Variants in KIAA1958 observed in about 807,000 individuals in gnomAD.
The protein encoded by KIAA1958 is uncharacterized protein KIAA1958.
In KIAA1958, 14 loss-of-function variants were observed where a neutral mutation model predicts 47.2. That is an observed-to-expected ratio of 0.30 (90% CI 0.20 to 0.46). KIAA1958 has a LOEUF of 0.46. KIAA1958 is among the 20% of genes least tolerant of loss of function. KIAA1958 has a pLI of 1.00. For synonymous variants in KIAA1958, 354 were observed against 353.3 expected, an observed-to-expected ratio of 1.00 and a Z score of -0.02; for missense variants, 803 against 909.2, an observed-to-expected ratio of 0.88 and a Z score of 1.50.
At chr9:112,530,359 C>T (rs559754820) in intron 1 of KIAA1958, among the ~76,000 whole-genome samples, 1 of 152,278 alleles carries the variant, frequency 6.6e-6, no homozygotes, top group Non-Finnish European at 1.5e-5. Context: ...TTGTTGTGCT[C>T]CCATCAGTTC....
chr9:112,506,934 A>C (rs753875320), intron 1 of KIAA1958, among the ~76,000 whole-genome samples: 1 of 152,190 alleles, frequency 6.6e-6, no homozygotes, highest in Non-Finnish European at 1.5e-5. Flanking sequence ...TTACATACTC[A>C]GTGGTCATTG....
chr9:112,658,795 A>T (rs182404428), intron 3 of KIAA1958, among the ~76,000 whole-genome samples: 48 of 149,600 alleles, frequency 3.2e-4, no homozygotes, highest in Admixed American at 7.3e-4. Context: ...CCATCTCTAC[A>T]AAAAATACAA....
At chr9:112,578,112 G>A (rs1339677288) in intron 2 of KIAA1958, among the ~76,000 whole-genome samples, 1 of 152,112 alleles carries the variant, frequency 6.6e-6, no homozygotes, top group Non-Finnish European at 1.5e-5. Context: ...ACTGGAAACA[G>A]CAGTGGGACA....
At chr9:112,566,404 G>A (rs987742041) in intron 1 of KIAA1958, among the ~76,000 whole-genome samples, 1 of 151,916 alleles carries the variant, frequency 6.6e-6, no homozygotes, top group Non-Finnish European at 1.5e-5. Flanking sequence ...AGTTCTCCCC[G>A]CCTTTACAAT....
chr9:112,636,989 C>T (rs907469929), intron 2 of KIAA1958, among the ~76,000 whole-genome samples: 26 of 152,058 alleles, frequency 1.7e-4, no homozygotes, highest in Middle Eastern at 3.2e-3. Context: ...ATAAGTTATA[C>T]ATTATTTTAT....
At position 112,607,749 on chromosome 9, in the gene KIAA1958, CA is replaced by C. The variant is rs367932637; in HGVS notation, c.1171+32515del. 5.9e-3 allele frequency among the ~76,000 whole-genome samples: 698 copies of C among 118,826 alleles called. 9 individuals carry two copies. Among genetic ancestry groups the C allele is most frequent in the African/African-American group, 0.021 (653 of 31,260 alleles). 78.0% of individuals were successfully genotyped at this position (118,826 alleles called of 152,430 possible). On this transcript the variant is annotated intron_variant, in intron 2 of 3. Coordinates refer to ENST00000337530, the MANE Select transcript of KIAA1958 (RefSeq NM_133465.4). Reference sequence around the variant, plus strand: ...AAGATAATCATTTAGATATCCAAGACAAAAAAAAAAAAAAAAAGGCAAAGGC... The same window carrying C: ...AAGATAATCATTTAGATATCCAAGACAAAAAAAAAAAAAAAAGGCAAAGGC...
chr9:112,645,076 A>G (rs1268396973), intron 2 of KIAA1958, among the ~76,000 whole-genome samples: 1 of 151,952 alleles, frequency 6.6e-6, no homozygotes, highest in Non-Finnish European at 1.5e-5. Flanking sequence ...CGGAGGTTGC[A>G]GTGAGCCAAT....
intron 1 of KIAA1958, among the ~76,000 whole-genome samples, chr9:112,541,611 C>T (rs1407114961): frequency 6.6e-6 from 1 of 152,028 alleles, no homozygotes; most frequent in African/African-American, 2.4e-5. Flanking sequence ...CGAGACCAGC[C>T]CGTCCAACAT....
chr9:112,584,946 C>G (rs1031070747), intron 2 of KIAA1958, among the ~76,000 whole-genome samples: 2 of 152,210 alleles, frequency 1.3e-5, no homozygotes, highest in African/African-American at 4.8e-5. Flanking sequence ...CCCTTCCTCT[C>G]CTTTTATGTC....
intron 2 of KIAA1958, among the ~76,000 whole-genome samples, chr9:112,601,684 G>A (rs1235500905): frequency 2.0e-5 from 3 of 152,160 alleles, no homozygotes; most frequent in Admixed American, 2.0e-4. Flanking sequence ...GAAAGCGGAG[G>A]AAGCTTTTTC....
intron 1 of KIAA1958, among the ~76,000 whole-genome samples, chr9:112,506,573 C>G (rs1243556276): frequency 6.6e-6 from 1 of 152,148 alleles, no homozygotes; most frequent in Admixed American, 6.5e-5. Flanking sequence ...TTTGTGACTA[C>G]CTGGGTACTT....
intron 1 of KIAA1958, among the ~76,000 whole-genome samples, chr9:112,571,004 C>T (rs1835523936): frequency 6.6e-6 from 1 of 152,200 alleles, no homozygotes; most frequent in Non-Finnish European, 1.5e-5. Context: ...AAAAAGAAGC[C>T]TATGCTAGCT....
chr9:112,598,125 G>T (rs986289229), intron 2 of KIAA1958, among the ~76,000 whole-genome samples: 1 of 152,074 alleles, frequency 6.6e-6, no homozygotes, highest in East Asian at 1.9e-4. Context: ...TTTTTTTAAG[G>T]AAGTGACATT....
intron 2 of KIAA1958, among the ~76,000 whole-genome samples, chr9:112,635,862 G>A (rs1238951614): frequency 6.6e-6 from 1 of 151,472 alleles, no homozygotes; most frequent in Non-Finnish European, 1.5e-5. Flanking sequence ...ATTGATTTAT[G>A]TTCTTAATTG....
chr9:112,548,641 A>G (rs1166440613), intron 1 of KIAA1958, among the ~76,000 whole-genome samples: 1 of 152,228 alleles, frequency 6.6e-6, no homozygotes, highest in Admixed American at 6.5e-5. Flanking sequence ...CAAGCAATGT[A>G]TCTTTAAGGT....
At chr9:112,655,971 G>C (rs1444182189) in intron 3 of KIAA1958, among the ~76,000 whole-genome samples, 1 of 152,164 alleles carries the variant, frequency 6.6e-6, no homozygotes, top group African/African-American at 2.4e-5. Flanking sequence ...TTAAATAAAT[G>C]TGCATGGTGT....
At chr9:112,489,349 C>T (rs544251428) in intron 1 of KIAA1958, among the ~76,000 whole-genome samples, 90 of 152,306 alleles carry the variant, frequency 5.9e-4, no homozygotes, top group Admixed American at 3.5e-3. Context: ...AGCTAAGCAT[C>T]GAGTGTGGCC....
chr9:112,500,718 A>G (rs931556304), intron 1 of KIAA1958, among the ~76,000 whole-genome samples: 2 of 152,190 alleles, frequency 1.3e-5, no homozygotes, highest in African/African-American at 4.8e-5. Context: ...TACATAATAA[A>G]CAATATTCTT....
chr9:112,578,615 A>G (rs1835688962), intron 2 of KIAA1958, among the ~76,000 whole-genome samples: 1 of 152,138 alleles, frequency 6.6e-6, no homozygotes, highest in African/African-American at 2.4e-5. Flanking sequence ...AATCATCCCT[A>G]CTTCTGTTCA....
Sources: allele counts gnomAD v4.1 joint callset (sites outside exome capture counted in the v4.1 genomes callset), GRCh38; gene constraint gnomAD v4.1.1; transcripts MANE v1.5; gene names NCBI Gene and HGNC (gene_info 2026-07-23, HGNC 2026-07-21).